PCDH15: variants seen among roughly 807,000 people sequenced by gnomAD.
The protein encoded by PCDH15 is protocadherin related 15.
In PCDH15, 129 loss-of-function variants were observed where a neutral mutation model predicts 178.5. That is an observed-to-expected ratio of 0.72 (90% CI 0.63 to 0.84). The LOEUF is 0.84. Ranked by LOEUF, PCDH15 falls within the 40% of genes least tolerant of loss-of-function variation. The pLI is 0.00. For missense variants in PCDH15, 2,230 were observed against 2,099.9 expected (o/e 1.06, Z -1.21); for synonymous variants, 800 against 732.0 (o/e 1.09, Z -1.50).
intron 2 of PCDH15, among the ~76,000 whole-genome samples, chr10:54,662,566 C>T (rs565210930): frequency 6.6e-6 from 1 of 151,972 alleles, no homozygotes; most frequent in African/African-American, 2.4e-5. Context: ...AGAGGCAATG[C>T]AAATATATTT....
chr10:53,805,923 T>C lies in PCDH15; in HGVS notation c.*656A>G, dbSNP rs1455087045. ...GACAAGAGAATATTGTAAATAATAT[T>C]GATAAAAAGACATACGACTTCAAGT... On this transcript the variant is annotated 3_prime_UTR_variant, in exon 38 of 38. Coordinates refer to ENST00000644397, the MANE Select transcript of PCDH15 (RefSeq NM_001384140.1). 1 of 152,228 alleles carries C rather than the reference T, an allele frequency of 6.6e-6. No homozygotes were observed. The highest frequency in any genetic ancestry group is 1.5e-5 in the Non-Finnish European group (1 of 67,996). The allele number at this position is 152,228 out of a possible 1,614,324, so 9.4% of individuals were successfully genotyped here. A position where few individuals can be genotyped will look rare whatever the true frequency, so the allele number is the denominator to read the frequency against.
intron 2 of PCDH15, among the ~76,000 whole-genome samples, chr10:55,137,365 T>C (rs1002652334): frequency 1.3e-5 from 2 of 152,180 alleles, no homozygotes; most frequent in Non-Finnish European, 2.9e-5. Flanking sequence ...AAATGCCGTA[T>C]AGGTTTGCAG....
chr10:55,279,194 A>G (rs1842668792), intron 1 of PCDH15, among the ~76,000 whole-genome samples: 1 of 152,144 alleles, frequency 6.6e-6, no homozygotes, highest in African/African-American at 2.4e-5. Flanking sequence ...AAGAACTGCA[A>G]CTTATACTCT....
At chr10:54,998,574 T>C (rs1839709220) in intron 2 of PCDH15, among the ~76,000 whole-genome samples, 1 of 152,128 alleles carries the variant, frequency 6.6e-6, no homozygotes, top group African/African-American at 2.4e-5. Flanking sequence ...TTTGACTAAT[T>C]AACATTGTTC....
intron 7 of PCDH15, among the ~76,000 whole-genome samples, chr10:54,327,071 G>A (rs1276937912): frequency 6.6e-6 from 1 of 151,946 alleles, no homozygotes; most frequent in Non-Finnish European, 1.5e-5. Flanking sequence ...GTGATGAGTA[G>A]TCCATCATGT....
At chr10:55,056,406 C>T (rs1841304553) in intron 2 of PCDH15, among the ~76,000 whole-genome samples, 1 of 151,824 alleles carries the variant, frequency 6.6e-6, no homozygotes, top group Non-Finnish European at 1.5e-5. Flanking sequence ...AGTTTTTGTA[C>T]CTTTTATTAA....
intron 37 of PCDH15, 113 bp downstream of exon 37, chr10:53,810,443 A>G (rs567784174): frequency 5.6e-6 from 5 of 894,844 alleles, no homozygotes; most frequent in Non-Finnish European, 9.0e-6. Context: ...GGAAATACGT[A>G]CTAAGTGAAA....
intron 1 of PCDH15, among the ~76,000 whole-genome samples, chr10:54,673,174 A>C (rs1204822527): frequency 1.3e-5 from 2 of 152,006 alleles, no homozygotes; most frequent in Non-Finnish European, 2.9e-5. Flanking sequence ...TGCACCGACC[A>C]ACCCGTCATC....
intron 2 of PCDH15, among the ~76,000 whole-genome samples, chr10:55,521,819 G>C: frequency 6.6e-6 from 1 of 151,930 alleles, no homozygotes; most frequent in East Asian, 1.9e-4. Context: ...GAACATCATA[G>C]TGTAGGATAG....
At chr10:53,874,735 T>G (rs1316549926) in intron 26 of PCDH15, among the ~76,000 whole-genome samples, 1 of 91,538 alleles carries the variant, frequency 1.1e-5, no homozygotes, top group African/African-American at 3.2e-5. Flanking sequence ...AAAAAGTCCG[T>G]TGAGATAAAA....
intron 29 of PCDH15, among the ~76,000 whole-genome samples, chr10:53,838,218 A>T (rs1056579810): frequency 1.3e-5 from 2 of 151,730 alleles, no homozygotes; most frequent in Non-Finnish European, 2.9e-5. Flanking sequence ...CTCGTGATCC[A>T]CCCACCTCGG....
chr10:55,173,137 T>TA (rs543150786), intron 1 of PCDH15, among the ~76,000 whole-genome samples: 2 of 151,474 alleles, frequency 1.3e-5, no homozygotes, highest in Non-Finnish European at 3.0e-5. Flanking sequence ...AATTGGCAAT[T>TA]AAAAAAAACA....
At chr10:55,337,323 T>G (rs1254120955) in intron 2 of PCDH15, among the ~76,000 whole-genome samples, 2 of 152,166 alleles carry the variant, frequency 1.3e-5, no homozygotes, top group African/African-American at 4.8e-5. Flanking sequence ...TAATGTCACA[T>G]AACAGCAATA....
chr10:53,999,956 G>T (rs188684792), intron 20 of PCDH15, among the ~76,000 whole-genome samples: 2 of 152,128 alleles, frequency 1.3e-5, no homozygotes, highest in African/African-American at 4.8e-5. Context: ...GGTCCACAGG[G>T]GTGCTTGTGT....
At chr10:54,054,003 G>A (rs1476291969) in intron 18 of PCDH15, among the ~76,000 whole-genome samples, 2 of 152,216 alleles carry the variant, frequency 1.3e-5, no homozygotes, top group Middle Eastern at 3.4e-3. Context: ...GAGTGAGAGA[G>A]AAAGAGGAGA....
Position 53,840,512 on chromosome 10 carries a change from A to T in PCDH15, c.3807-16T>A. On this transcript the variant is annotated splice_polypyrimidine_tract_variant and intron_variant, in intron 28 of 37. Transcript: ENST00000644397. ...ATCCAAGATCCTATAAATCAAACAA[A>T]GTACAAACATGACAGTCCAATGGGC... is the stretch of plus-strand genomic sequence containing the variant. 6.2e-7 allele frequency: 1 copy of T among 1,610,572 alleles called. No individual in the cohort carries two copies.
chr10:54,267,793 G>T (rs1348399738), intron 8 of PCDH15, among the ~76,000 whole-genome samples: 1 of 151,734 alleles, frequency 6.6e-6, no homozygotes, highest in Non-Finnish European at 1.5e-5. Flanking sequence ...CAAACAAATG[G>T]AAAAATATTA....
intron 2 of PCDH15, among the ~76,000 whole-genome samples, chr10:54,570,973 C>T (rs949655266): frequency 6.6e-6 from 1 of 151,770 alleles, no homozygotes; most frequent in Non-Finnish European, 1.5e-5. Flanking sequence ...GCCTCACTTG[C>T]ATCATTCTAG....
intron 28 of PCDH15, among the ~76,000 whole-genome samples, chr10:53,854,567 C>T (rs772801885): frequency 4.6e-5 from 7 of 151,972 alleles, no homozygotes; most frequent in Non-Finnish European, 8.8e-5. Flanking sequence ...GTAGCTTGTC[C>T]AGAGGTTACA....
Sources: gnomAD v4.1 joint callset for allele counts (sites outside exome capture counted in the v4.1 genomes callset) on GRCh38, gnomAD v4.1.1 for gene constraint, MANE v1.5 for transcripts, NCBI Gene and HGNC (gene_info 2026-07-23, HGNC 2026-07-21) for gene names.